The following OXR1 variants were observed in gnomAD, a reference collection of about 807,000 sequenced individuals.
The protein encoded by OXR1 is oxidation resistance 1, also known as oxidation resistance protein 1.
A neutral mutation model predicts 104.6 loss-of-function variants in OXR1; 41 were observed. The ratio of observed to expected loss-of-function variants is 0.39; its 90% CI spans 0.31 to 0.51. OXR1 has a LOEUF of 0.51. OXR1 is among the 20% of genes least tolerant of loss of function. The pLI, the probability that OXR1 is intolerant of heterozygous loss-of-function variation, is 0.77. For synonymous variants in OXR1, 348 were observed against 348.4 expected (o/e 1.00, Z 0.01); for missense variants, 955 against 1,031.9 (o/e 0.93, Z 1.02).
chr8:106,379,537 C>CTTTTTTTTTTTTTTTT (rs60855438), intron 2 of OXR1, among the ~76,000 whole-genome samples: 85 of 108,358 alleles, frequency 7.8e-4, no homozygotes, highest in East Asian at 2.2e-3. Context: ...TTCTTTCTTT[C>CTTTTTTTTTTTTTTTT]TTTTTTTTTT....
intron 1 of OXR1, among the ~76,000 whole-genome samples, chr8:106,280,827 G>A (rs576203163): frequency 6.6e-6 from 1 of 152,274 alleles, no homozygotes; most frequent in Non-Finnish European, 1.5e-5. Flanking sequence ...TAAAAATCAA[G>A]TGAGGGCCAG....
intron 10 of OXR1, among the ~76,000 whole-genome samples, chr8:106,711,531 A>G (rs1448487973): frequency 1.3e-5 from 2 of 152,102 alleles, no homozygotes; most frequent in Non-Finnish European, 2.9e-5. Context: ...ACACATTTAC[A>G]TATCTGTGTG....
intron 1 of OXR1, among the ~76,000 whole-genome samples, chr8:106,341,855 A>G (rs1277255294): frequency 2.0e-5 from 3 of 149,182 alleles, no homozygotes; most frequent in African/African-American, 7.4e-5. Flanking sequence ...TCATCCTTCC[A>G]TCTATATCCC....
At chr8:106,335,888 G>A (rs890774457) in intron 1 of OXR1, among the ~76,000 whole-genome samples, 3 of 152,078 alleles carry the variant, frequency 2.0e-5, no homozygotes, top group African/African-American at 7.2e-5. Flanking sequence ...CTGAGATCAG[G>A]AGTTTGAAAC....
At chr8:106,728,564 A>G (rs1484523919) in intron 11 of OXR1, among the ~76,000 whole-genome samples, 1 of 152,230 alleles carries the variant, frequency 6.6e-6, no homozygotes, top group Non-Finnish European at 1.5e-5. Context: ...ATGGCATGAA[A>G]TTAACCTTTT....
At chr8:106,739,075 TACACACACACACACACACACACAC>T (rs71307086) in intron 12 of OXR1, among the ~76,000 whole-genome samples, 1 of 141,532 alleles carries the variant, frequency 7.1e-6, no homozygotes, top group African/African-American at 2.6e-5. Context: ...TTAAATAGCA[TACACACACACACACACACACACAC>T]ACACACACAC....
At chr8:106,719,770 A>T (rs551309486) in intron 11 of OXR1, among the ~76,000 whole-genome samples, 23 of 152,142 alleles carry the variant, frequency 1.5e-4, no homozygotes, top group Non-Finnish European at 2.6e-4. Flanking sequence ...ATAGATTATC[A>T]TCTTTATTTT....
rs539955428 is a variant in OXR1, at chr8:106,697,491, G to A, written c.675+4614G>A. 26 of 1,608,358 alleles carry A rather than the reference G, an allele frequency of 1.6e-5. No homozygotes were observed. In the African/African-American group the frequency reaches 1.9e-4, roughly 12 times the overall value. ...CTGAGATGCCCCCCATCTGTAGCCC[G>A]ATCACGTTCTTGCCCTCTTGCAGCT... On this transcript the variant is annotated intron_variant, in intron 7 of 16. Transcript: ENST00000517566.
intron 3 of OXR1, among the ~76,000 whole-genome samples, chr8:106,546,433 A>G (rs900932067): frequency 6.6e-6 from 1 of 152,204 alleles, no homozygotes; most frequent in Non-Finnish European, 1.5e-5. Context: ...ATATATGTAA[A>G]CCAACATGTG....
At chr8:106,744,971 A>G (rs1835258328) in intron 15 of OXR1, among the ~76,000 whole-genome samples, 1 of 152,196 alleles carries the variant, frequency 6.6e-6, no homozygotes, top group Non-Finnish European at 1.5e-5. Context: ...GCTACTTGAA[A>G]GCTTGTAGTT....
chr8:106,750,736 C>A, intron 16 of OXR1, 70 bp from the exon 17 acceptor site: 1 of 1,105,634 alleles, frequency 9.0e-7, no homozygotes, highest in South Asian at 1.6e-5. Flanking sequence ...GTTAGGTATT[C>A]AAAGTCTCAT....
intron 2 of OXR1, among the ~76,000 whole-genome samples, chr8:106,467,345 G>T (rs1265847333): frequency 1.3e-5 from 2 of 151,754 alleles, no homozygotes; most frequent in Admixed American, 6.6e-5. Context: ...GACTGAACTT[G>T]AATACTTGCT....
chr8:106,619,467 G>A (rs996737110), intron 3 of OXR1, among the ~76,000 whole-genome samples: 1 of 152,120 alleles, frequency 6.6e-6, no homozygotes, highest in Non-Finnish European at 1.5e-5. Flanking sequence ...AAATTATCAA[G>A]TGAAATGTTT....
At chr8:106,461,504 A>G (rs1400439107) in intron 2 of OXR1, among the ~76,000 whole-genome samples, 1 of 152,136 alleles carries the variant, frequency 6.6e-6, no homozygotes, top group African/African-American at 2.4e-5. Flanking sequence ...GGTGAAGGTT[A>G]CAGTGAGCAG....
At position 106,324,459 on chromosome 8, in the gene OXR1, T is replaced by C. The variant is rs9772665; in HGVS notation, c.-138-35017T>C. Among the ~76,000 whole-genome samples, 1,357 of 147,258 alleles carry C rather than the reference T, an allele frequency of 9.2e-3. 19 individuals carry two copies. Among genetic ancestry groups the C allele is most frequent in the African/African-American group, 0.033 (1,263 of 38,682 alleles). Reference sequence around the variant, plus strand: ...AAATAATCTGTACAACAACCCCCCCTACACGTGTTTACCTATGTAATAAAC... The same window carrying C: ...AAATAATCTGTACAACAACCCCCCCCACACGTGTTTACCTATGTAATAAAC... On this transcript the variant is annotated intron_variant, in intron 1 of 16. Coordinates refer to ENST00000517566, the MANE Select transcript of OXR1 (RefSeq NM_001198533.2).
intron 3 of OXR1, among the ~76,000 whole-genome samples, chr8:106,588,548 C>T (rs766999920): frequency 4.0e-5 from 6 of 150,682 alleles, no homozygotes; most frequent in Non-Finnish European, 7.4e-5. Flanking sequence ...AGTGCAGTGG[C>T]GCGATCTTGG....
At chr8:106,406,750 CTGAA>C (rs1395182286) in intron 2 of OXR1, among the ~76,000 whole-genome samples, 1 of 152,098 alleles carries the variant, frequency 6.6e-6, no homozygotes, top group Non-Finnish European at 1.5e-5. Flanking sequence ...TAAAACTACT[CTGAA>C]TGATACTATA....
At chr8:106,646,256 C>T (rs1008529976) in intron 3 of OXR1, among the ~76,000 whole-genome samples, 2 of 151,958 alleles carry the variant, frequency 1.3e-5, no homozygotes, top group Non-Finnish European at 2.9e-5. Context: ...CAGGTGCACA[C>T]CACCAAGCCT....
At chr8:106,695,273 A>G (rs1306258811) in intron 7 of OXR1, among the ~76,000 whole-genome samples, 3 of 151,792 alleles carry the variant, frequency 2.0e-5, no homozygotes, top group Admixed American at 6.6e-5. Flanking sequence ...TTCCATTTGT[A>G]TCATTTTTCC....
Sources: allele counts gnomAD v4.1 joint callset (sites outside exome capture counted in the v4.1 genomes callset), GRCh38; gene constraint gnomAD v4.1.1; transcripts MANE v1.5; gene names NCBI Gene and HGNC (gene_info 2026-07-23, HGNC 2026-07-21).